Variants in CEACAM7 observed in about 807,000 individuals in gnomAD.
CEACAM7 encodes the protein cell adhesion molecule CEACAM7.
A neutral mutation model predicts 25.7 loss-of-function variants in CEACAM7; 24 were observed. The observed-to-expected ratio is 0.93, with a 90% CI of 0.68 to 1.31. The LOEUF is 1.31. CEACAM7 is among the 40% of genes most tolerant of loss of function. CEACAM7 has a pLI of 0.00. For synonymous variants in CEACAM7, 144 were observed against 129.4 expected (o/e 1.11, Z -0.77); for missense variants, 324 against 330.1 (o/e 0.98, Z 0.14).
At chr19:41,680,190 CATT>C in intron 3 of CEACAM7, among the ~76,000 whole-genome samples, 1 of 151,812 alleles carries the variant, frequency 6.6e-6, no homozygotes. Flanking sequence ...AATTGATTCA[CATT>C]ATCATCAAAA....
Position 41,686,911 on chromosome 19 carries a change from A to G in CEACAM7, c.375T>C (p.Val125=), listed in dbSNP as rs141037567. The G allele has an allele frequency of 2.1e-4, 321 of 1,545,324 alleles. No individual in the cohort carries two copies. The highest frequency in any genetic ancestry group is 5.2e-4 in the Middle Eastern group (3 of 5,750). The stretch of plus-strand genomic sequence containing the variant: ...CTTCATTCACAAGATTTTCTTTTAT[A>G]ACGTGTAGGGTATAGATTCCTGCGT... The part of the protein sequence containing the change: ...HNDAGIYTLH[V]IKENLVNEEV... The change falls in exon 2 of 5, where the codon GTT becomes GTC. Residue 125 remains valine, a synonymous_variant. Transcript: ENST00000401731.
At chr19:41,683,710 GA>G in intron 3 of CEACAM7, 74 bp downstream of exon 3, 1 of 1,572,992 alleles carries the variant, frequency 6.4e-7, no homozygotes, top group Middle Eastern at 1.7e-4. Context: ...ACCTGAGAGG[GA>G]CTAAGAGGCC....
At chr19:41,687,777 G>A (rs186255215) in intron 1 of CEACAM7, among the ~76,000 whole-genome samples, 1 of 151,422 alleles carries the variant, frequency 6.6e-6, no homozygotes, top group East Asian at 1.9e-4. Context: ...AATGCCTGAG[G>A]TTGGTGGCTA....
chr19:41,677,491 T>G lies in CEACAM7; in HGVS notation c.719A>C (p.Gln240Pro). ...AGCTGAGAGGTCAGGTGAACTTGCT[T>G]GTACTGACTCATCTGCCATGGAAAG... is the stretch of plus-strand genomic sequence containing the variant. Reference protein sequence around the residue: ...VTLNVRYESVQASSPDLSAGT... With the variant: ...VTLNVRYESVPASSPDLSAGT... The change falls in exon 4 of 5, where the codon CAA becomes CCA. Residue 240 changes from glutamine (Q) to proline (P), a missense_variant. Gln to Pro is a moderately conservative substitution (Grantham distance 76). Coordinates refer to ENST00000401731, the MANE Select transcript of CEACAM7 (RefSeq NM_001291485.2). 2.5e-6 allele frequency: 4 copies of G among 1,613,292 alleles called. No individual in the cohort carries two copies. The highest frequency in any genetic ancestry group is 3.4e-6 in the Non-Finnish European group (4 of 1,179,258).
chr19:41,684,331 A>G (rs140860659), intron 2 of CEACAM7, among the ~76,000 whole-genome samples: 2,917 of 152,216 alleles, frequency 0.019, 56 homozygotes, highest in African/African-American at 0.062. Context: ...AGGACCATCA[A>G]TCACAGCCAC....
intron 2 of CEACAM7, among the ~76,000 whole-genome samples, chr19:41,686,170 T>C (rs1555811169): frequency 6.6e-6 from 1 of 152,106 alleles, no homozygotes; most frequent in Non-Finnish European, 1.5e-5. Context: ...GCAGAAACTT[T>C]CTTCTTCTTT....
intron 2 of CEACAM7, among the ~76,000 whole-genome samples, chr19:41,685,365 TC>T (rs1281557206): frequency 3.7e-5 from 4 of 107,402 alleles, no homozygotes; most frequent in African/African-American, 1.2e-4. Context: ...GGTCTTGAAC[TC>T]CTGGGCTCAA....
chr19:41,687,668 T>C (rs940582338), intron 1 of CEACAM7, among the ~76,000 whole-genome samples: 8 of 152,246 alleles, frequency 5.3e-5, no homozygotes, highest in African/African-American at 1.9e-4. Flanking sequence ...TTGTGTGAAC[T>C]GGATTGCACC....
At chr19:41,676,799 A>G (rs953828781) in intron 4 of CEACAM7, among the ~76,000 whole-genome samples, 1 of 152,190 alleles carries the variant, frequency 6.6e-6, no homozygotes, top group Non-Finnish European at 1.5e-5. Flanking sequence ...ATTGGAACTA[A>G]GAATTCTATG....
intron 3 of CEACAM7, among the ~76,000 whole-genome samples, chr19:41,682,139 A>G (rs2072182008): frequency 6.6e-6 from 1 of 152,120 alleles, no homozygotes. Flanking sequence ...GTGTTTCACC[A>G]TGTTGTGCAG....
intron 3 of CEACAM7, among the ~76,000 whole-genome samples, chr19:41,681,361 G>GT (rs1555810682): frequency 1.3e-5 from 2 of 152,138 alleles, no homozygotes. Flanking sequence ...AGTGGAAAAT[G>GT]GTAGAGCCGT....
chr19:41,688,035 C>T, intron 1 of CEACAM7, 67 bp downstream of exon 1: 1 of 1,469,322 alleles, frequency 6.8e-7, no homozygotes, highest in South Asian at 1.2e-5. Context: ...GCCCCGTCCT[C>T]CCAAGGAGAC....
chr19:41,686,281 T>C (rs1264228173), intron 2 of CEACAM7, among the ~76,000 whole-genome samples: 4 of 152,194 alleles, frequency 2.6e-5, no homozygotes, highest in African/African-American at 9.6e-5. Context: ...CTCTCCAGGC[T>C]GAGTCTCAGG....
chr19:41,688,056 C>T (rs1555811419), intron 1 of CEACAM7, 46 bp downstream of exon 1: 1 of 1,563,510 alleles, frequency 6.4e-7, no homozygotes, highest in Non-Finnish European at 8.7e-7. Flanking sequence ...CCCAGCCAGT[C>T]TCTCTGGCCC....
At chr19:41,686,801 C>A in intron 2 of CEACAM7, 58 bp downstream of exon 2, 1 of 1,500,836 alleles carries the variant, frequency 6.7e-7, no homozygotes, top group South Asian at 1.4e-5. Context: ...CTGACAACCC[C>A]GTGTGTATGA....
At chr19:41,678,194 G>A (rs1555810331) in intron 3 of CEACAM7, among the ~76,000 whole-genome samples, 1 of 151,892 alleles carries the variant, frequency 6.6e-6, no homozygotes, top group African/African-American at 2.4e-5. Context: ...GCATCTCTCT[G>A]AATGAAAACT....
intron 3 of CEACAM7, among the ~76,000 whole-genome samples, chr19:41,678,878 T>C (rs1464756884): frequency 6.6e-6 from 1 of 152,192 alleles, no homozygotes; most frequent in East Asian, 1.9e-4. Flanking sequence ...CTCAGAGAAG[T>C]TAAGAATCTT....
intron 4 of CEACAM7, among the ~76,000 whole-genome samples, chr19:41,675,207 T>C (rs1315941882): frequency 6.6e-6 from 1 of 152,222 alleles, no homozygotes; most frequent in Non-Finnish European, 1.5e-5. Flanking sequence ...ATTGAACTTA[T>C]GCAAATAACT....
chr19:41,682,267 T>C (rs928422881), intron 3 of CEACAM7, among the ~76,000 whole-genome samples: 3 of 151,882 alleles, frequency 2.0e-5, no homozygotes, highest in Non-Finnish European at 2.9e-5. Context: ...ATGGCTAATA[T>C]GGTAAATTTC....
Sources: allele counts gnomAD v4.1 joint callset (sites outside exome capture counted in the v4.1 genomes callset), GRCh38; gene constraint gnomAD v4.1.1; transcripts MANE v1.5; gene names NCBI Gene and HGNC (gene_info 2026-07-23, HGNC 2026-07-21).